SP1: variants seen among roughly 807,000 people sequenced by gnomAD.
The protein encoded by SP1 is Sp1 transcription factor, also known as transcription factor Sp1.
A neutral mutation model predicts 66.3 loss-of-function variants in SP1; 6 were observed. The observed-to-expected ratio is 0.09, with a 90% CI of 0.05 to 0.18. SP1 has a LOEUF of 0.18. SP1 is among the 10% of genes least tolerant of loss of function. SP1 has a pLI of 1.00. For missense variants in SP1, 848 were observed against 964.5 expected, an observed-to-expected ratio of 0.88 and a Z score of 1.60; for synonymous variants, 417 against 360.8, an observed-to-expected ratio of 1.16 and a Z score of -1.77.
chr12:53,403,845 A>G lies in SP1; in HGVS notation c.1676-2740A>G, dbSNP rs552277860. ...CACTTGAGCCCAGGAGCTCGAGATC[A>G]GCCTGGACAACATGGTGAGACCCGG... On this transcript the variant is annotated intron_variant, in intron 3 of 5. Transcript: ENST00000327443. Among the ~76,000 whole-genome samples the G allele has an allele frequency of 7.5e-4, 114 of 152,026 alleles. 1 individual carries two copies. The highest frequency in any genetic ancestry group is 1.5e-3 in the Non-Finnish European group (101 of 67,940).
In SP1 at chr12:53,406,586, T is replaced by C; in HGVS notation, c.1677T>C (p.Gly559=). ...GACCCTTTTCTCTCTTAATTTCAGGTGATCATGGAGCTCAGCTTGGTCTCC... is the reference window on the plus strand; with the variant it reads ...GACCCTTTTCTCTCTTAATTTCAGGCGATCATGGAGCTCAGCTTGGTCTCC... The part of the protein sequence containing the change: ...GLPLAIANAP[G]DHGAQLGLHG... Residue 559 remains glycine, a splice_region_variant and synonymous_variant, in exon 4 of 6, where the codon GGT becomes GGC. Coordinates refer to ENST00000327443, the MANE Select transcript of SP1 (RefSeq NM_138473.3). The C allele has an allele frequency of 6.2e-7, 1 of 1,613,536 alleles. No individual in the cohort carries two copies. Among genetic ancestry groups the C allele is most frequent in the Non-Finnish European group, 8.5e-7 (1 of 1,179,658 alleles).
chr12:53,401,402 GATCGCGC>G (rs1938606853), intron 3 of SP1, among the ~76,000 whole-genome samples: 1 of 142,078 alleles, frequency 7.0e-6, no homozygotes, highest in Non-Finnish European at 1.5e-5. Context: ...ATTGAGCCAA[GATCGCGC>G]CATTGCACTC....
intron 4 of SP1, 26 bp downstream of exon 4, chr12:53,406,779 C>T: frequency 6.4e-7 from 1 of 1,566,866 alleles, no homozygotes. Context: ...CAGTTTCTTA[C>T]AAATATAAAG....
At chr12:53,401,406 G>A (rs1473778410) in intron 3 of SP1, among the ~76,000 whole-genome samples, 1 of 146,882 alleles carries the variant, frequency 6.8e-6, no homozygotes, top group African/African-American at 2.5e-5. Context: ...AGCCAAGATC[G>A]CGCCATTGCA....
At chr12:53,388,224 T>A (rs1004954291) in intron 3 of SP1, among the ~76,000 whole-genome samples, 4 of 152,200 alleles carry the variant, frequency 2.6e-5, no homozygotes, top group African/African-American at 9.6e-5. Context: ...CCGGTTTTGC[T>A]CTTCTTCAGA....
At chr12:53,396,318 C>T (rs1234796455) in intron 3 of SP1, among the ~76,000 whole-genome samples, 1 of 148,398 alleles carries the variant, frequency 6.7e-6, no homozygotes, top group African/African-American at 2.5e-5. Flanking sequence ...GTCTGTAATC[C>T]CAGCACTTTG....
At chr12:53,389,126 A>C (rs1329291168) in intron 3 of SP1, among the ~76,000 whole-genome samples, 1 of 152,070 alleles carries the variant, frequency 6.6e-6, no homozygotes, top group South Asian at 2.1e-4. Context: ...ATATCACTGT[A>C]CAAAATGAGA....
At chr12:53,381,487 C>T (rs1410094434) in intron 1 of SP1, 172 bp from the exon 2 acceptor site, 14 of 539,290 alleles carry the variant, frequency 2.6e-5, no homozygotes, top group Non-Finnish European at 4.5e-5. Flanking sequence ...GAACCTAGTT[C>T]ATGTCCTGCA....
chr12:53,415,678 T>G lies in SP1; in HGVS notation c.*4438T>G, dbSNP rs941349068. The G allele has an allele frequency of 6.6e-6, 1 of 151,146 alleles. No individual in the cohort carries two copies. Among genetic ancestry groups the G allele is most frequent in the African/African-American group, 2.4e-5 (1 of 40,940 alleles). The allele number at this position is 151,146 out of a possible 1,614,324, so 9.4% of individuals were successfully genotyped here. ...AAAAGCCTAACAAATGGGATTAGAC[T>G]AGGGCTGCAAGTAGTGAGGATTTTG... is the stretch of plus-strand genomic sequence containing the variant. On this transcript the variant is annotated 3_prime_UTR_variant, in exon 6 of 6. Transcript: ENST00000327443.
chr12:53,404,542 CAAAAA>C (rs373558863), intron 3 of SP1, among the ~76,000 whole-genome samples: 2 of 95,830 alleles, frequency 2.1e-5, no homozygotes, highest in African/African-American at 7.6e-5. Context: ...AACTCAGTCT[CAAAAA>C]AAAAAAAAAA....
intron 3 of SP1, among the ~76,000 whole-genome samples, chr12:53,402,709 G>A (rs541338999): frequency 2.7e-5 from 4 of 148,186 alleles, no homozygotes; most frequent in Non-Finnish European, 5.9e-5. Flanking sequence ...GCTCACACCT[G>A]TAATCCCATC....
At chr12:53,386,763 A>G (rs1299615604) in intron 3 of SP1, among the ~76,000 whole-genome samples, 2 of 152,082 alleles carry the variant, frequency 1.3e-5, no homozygotes, top group Non-Finnish European at 2.9e-5. Flanking sequence ...TGCTGGGATT[A>G]CAGGTGTGAG....
chr12:53,389,429 G>T (rs1051112579), intron 3 of SP1, among the ~76,000 whole-genome samples: 6 of 151,900 alleles, frequency 3.9e-5, no homozygotes, highest in African/African-American at 9.7e-5. Context: ...GGCTGGTCTT[G>T]AACTCCTGAC....
rs1268579232 is a variant in SP1 at position 53,404,723 on chromosome 12, A to ACT, written c.1676-1862_1676-1861insCT. The stretch of plus-strand genomic sequence containing the variant: ...TGTTCTGTTGGCCAGGCTGGTGTGC[A>ACT]GTGATGTGATCATAGCTCACTGTAG... On this transcript the variant is annotated intron_variant, in intron 3 of 5. Coordinates refer to ENST00000327443, the MANE Select transcript of SP1 (RefSeq NM_138473.3). Among the ~76,000 whole-genome samples, 352 of 152,228 alleles carry ACT rather than the reference A, an allele frequency of 2.3e-3. 1 individual carries two copies. The highest frequency in any genetic ancestry group is 8.2e-3 in the African/African-American group (339 of 41,546).
At chr12:53,401,094 A>G (rs1220980939) in intron 3 of SP1, among the ~76,000 whole-genome samples, 4 of 151,920 alleles carry the variant, frequency 2.6e-5, no homozygotes, top group African/African-American at 7.3e-5. Context: ...TCTTAAACAT[A>G]TTGGTTGCCC....
At chr12:53,389,415 G>A (rs899932174) in intron 3 of SP1, among the ~76,000 whole-genome samples, 2 of 151,610 alleles carry the variant, frequency 1.3e-5, no homozygotes, top group African/African-American at 4.8e-5. Context: ...CACCATGTTG[G>A]CCAGGCTGGT....
At chr12:53,405,641 G>C (rs1938715190) in intron 3 of SP1, among the ~76,000 whole-genome samples, 1 of 151,440 alleles carries the variant, frequency 6.6e-6, no homozygotes, top group African/African-American at 2.4e-5. Context: ...CTGTACTCCA[G>C]AGCCAGCGAG....
At position 53,382,170 on chromosome 12, in the gene SP1, A is replaced by G. The variant is rs868246508; in HGVS notation, c.223A>G (p.Asn75Asp). Residue 75 changes from asparagine to aspartate, a missense_variant, in exon 3 of 6, where the codon AAT (asparagine) becomes GAT (aspartate). By Grantham distance (23) the Asn-to-Asp change is conservative. Coordinates refer to ENST00000327443, the MANE Select transcript of SP1 (RefSeq NM_138473.3). Reference protein sequence around the residue: ...AATCSRIESPNENSNNSQGPS... With the variant: ...AATCSRIESPDENSNNSQGPS... The stretch of plus-strand genomic sequence containing the variant: ...AACTTGCAGCAGAATTGAGTCACCC[A>G]ATGAGAACAGCAACAACTCCCAGGG... 6.2e-7 allele frequency: 1 copy of G among 1,614,040 alleles called. No individual in the cohort carries two copies. The highest frequency in any genetic ancestry group is 1.3e-5 in the African/African-American group (1 of 74,926).
chr12:53,406,781 A>T (rs1381557186), intron 4 of SP1, 28 bp downstream of exon 4: 1 of 1,571,566 alleles, frequency 6.4e-7, no homozygotes, highest in African/African-American at 1.4e-5. Context: ...GTTTCTTACA[A>T]ATATAAAGAA....
Sources: gnomAD v4.1 joint callset for allele counts (sites outside exome capture counted in the v4.1 genomes callset) on GRCh38, gnomAD v4.1.1 for gene constraint, MANE v1.5 for transcripts, NCBI Gene and HGNC (gene_info 2026-07-23, HGNC 2026-07-21) for gene names.